The following EVI5 variants were observed in gnomAD, a reference collection of about 807,000 sequenced individuals.
The protein encoded by EVI5 is ecotropic viral integration site 5.
Under a neutral mutation model 112.0 loss-of-function variants are expected in EVI5, and 73 were observed. The ratio of observed to expected loss-of-function variants is 0.65; its 90% confidence interval spans 0.54 to 0.79. The LOEUF (loss-of-function observed/expected upper bound fraction) is 0.79, where lower values mean the gene tolerates loss of function less well. Ranked by LOEUF, EVI5 falls within the 30% of genes least tolerant of loss-of-function variation. The pLI is 0.00. For synonymous variants in EVI5, 305 were observed against 319.9 expected (o/e 0.95, Z 0.50); for missense variants, 900 against 968.8 (o/e 0.93, Z 0.94).
At chr1:92,618,480 C>A (rs576995947) in intron 16 of EVI5, among the ~76,000 whole-genome samples, 26 of 152,302 alleles carry the variant, frequency 1.7e-4, no homozygotes, top group Non-Finnish European at 3.2e-4. Context: ...TGAAATCAGT[C>A]TGCTAATCCA....
intron 9 of EVI5, among the ~76,000 whole-genome samples, chr1:92,681,307 C>T (rs1352425999): frequency 6.6e-6 from 1 of 152,072 alleles, no homozygotes; most frequent in Non-Finnish European, 1.5e-5. Context: ...AATGGACCTC[C>T]CCCAAAATGG....
intron 10 of EVI5, among the ~76,000 whole-genome samples, chr1:92,668,423 A>T (rs972160273): frequency 6.6e-6 from 1 of 152,206 alleles, no homozygotes; most frequent in East Asian, 1.9e-4. Context: ...GGGATTCTCA[A>T]AATGTTCTCA....
chr1:92,647,538 GACAGAGAC>G (rs1661206849), intron 13 of EVI5: 4 of 528,244 alleles, frequency 7.6e-6, no homozygotes, highest in Non-Finnish European at 1.4e-5. Context: ...CTGCAAAATT[GACAGAGAC>G]CTCTGGGTTT....
chr1:92,665,920 T>G lies in EVI5; in HGVS notation c.1212+19A>C, dbSNP rs1184113989. ...ACCAGGCATTCAACAGAAGCTTGCA[T>G]AAGTAGTCACTTACTTACTTTTTCT... is the stretch of plus-strand genomic sequence containing the variant. On this transcript the variant is annotated intron_variant, in intron 11 of 19. Transcript: ENST00000684568. 9 of 1,554,024 alleles carry G rather than the reference T, an allele frequency of 5.8e-6. No homozygotes were observed. Among genetic ancestry groups the G allele is most frequent in the Non-Finnish European group, 7.9e-6 (9 of 1,138,796 alleles).
chr1:92,661,263 T>C (rs1320380163), intron 13 of EVI5, among the ~76,000 whole-genome samples: 1 of 152,126 alleles, frequency 6.6e-6, no homozygotes, highest in Non-Finnish European at 1.5e-5. Context: ...ATTGGAAGGC[T>C]ATAATTAAAA....
At chr1:92,547,040 T>C (rs1313213598) in intron 19 of EVI5, among the ~76,000 whole-genome samples, 3 of 152,210 alleles carry the variant, frequency 2.0e-5, no homozygotes, top group Admixed American at 6.5e-5. Context: ...ATCAACAGAA[T>C]ATACATTCTT....
intron 2 of EVI5, among the ~76,000 whole-genome samples, chr1:92,731,404 A>T (rs6661600): frequency 6.6e-6 from 1 of 152,118 alleles, no homozygotes; most frequent in Non-Finnish European, 1.5e-5. Context: ...CAGCAATGAA[A>T]AATTAAAAAT....
At chr1:92,699,963 G>A (rs1423046776) in intron 5 of EVI5, among the ~76,000 whole-genome samples, 2 of 152,052 alleles carry the variant, frequency 1.3e-5, no homozygotes, top group African/African-American at 2.4e-5. Flanking sequence ...AACTAGAGGA[G>A]AATTTTTTTT....
intron 10 of EVI5, among the ~76,000 whole-genome samples, chr1:92,676,419 G>A (rs1666755617): frequency 6.6e-6 from 1 of 151,372 alleles, no homozygotes; most frequent in East Asian, 1.9e-4. Flanking sequence ...GTTGGGGGTA[G>A]GGGGTGGAGG....
chr1:92,522,892 G>C (rs1274366599), intron 19 of EVI5, among the ~76,000 whole-genome samples: 4 of 151,436 alleles, frequency 2.6e-5, no homozygotes, highest in Non-Finnish European at 4.4e-5. Flanking sequence ...TGAGTAGCTA[G>C]GAATACAGGA....
At chr1:92,787,469 C>T (rs1432573367), upstream of EVI5, among the ~76,000 whole-genome samples, 3 of 152,104 alleles carry the variant, frequency 2.0e-5, no homozygotes, top group African/African-American at 2.4e-5. Flanking sequence ...CGGTGGCTCA[C>T]GCCTATAATC....
chr1:92,753,737 G>C (rs983803991), intron 1 of EVI5, among the ~76,000 whole-genome samples: 1 of 151,880 alleles, frequency 6.6e-6, no homozygotes, highest in Non-Finnish European at 1.5e-5. Flanking sequence ...ACCTAATTTT[G>C]GAATCTAATT....
rs978312742 is a variant in EVI5 at position 92,688,539 on chromosome 1, G to C, written c.1097+5263C>G. On this transcript the variant is annotated intron_variant, in intron 9 of 19. Transcript: ENST00000684568. ...AGTAAGGTACCATAGTAAGATCTAG[G>C]TTGGGTGACAGGTTTTCCTTCCTTC... Among the ~76,000 whole-genome samples, 9 of 152,194 alleles carry C rather than the reference G, an allele frequency of 5.9e-5. 1 individual carries two copies. The highest frequency in any genetic ancestry group is 3.9e-4 in the Admixed American group (6 of 15,296).
chr1:92,747,462 C>T (rs1012655308), intron 1 of EVI5, among the ~76,000 whole-genome samples: 2 of 151,902 alleles, frequency 1.3e-5, no homozygotes, highest in Non-Finnish European at 2.9e-5. Context: ...GCCTGTAATC[C>T]CAGCACTGTG....
At chr1:92,772,441 C>A (rs997693472) in intron 1 of EVI5, among the ~76,000 whole-genome samples, 4 of 150,814 alleles carry the variant, frequency 2.7e-5, no homozygotes, top group Non-Finnish European at 4.4e-5. Context: ...CTAAAAATAC[C>A]AAAAATTAGC....
At chr1:92,641,238 C>A (rs779851305) in intron 13 of EVI5, among the ~76,000 whole-genome samples, 4 of 152,118 alleles carry the variant, frequency 2.6e-5, no homozygotes, top group Admixed American at 6.6e-5. Flanking sequence ...ATGTTTATCT[C>A]TATATATACT....
At chr1:92,623,319 T>C (rs1355875898) in intron 16 of EVI5, among the ~76,000 whole-genome samples, 2 of 152,210 alleles carry the variant, frequency 1.3e-5, no homozygotes, top group African/African-American at 2.4e-5. Context: ...TACATATTCA[T>C]GTTACCATGT....
chr1:92,568,906 A>G (rs888556624), intron 18 of EVI5, among the ~76,000 whole-genome samples: 1 of 152,236 alleles, frequency 6.6e-6, no homozygotes, highest in African/African-American at 2.4e-5. Flanking sequence ...TATGTTATCA[A>G]TAAGGCTTCT....
intron 18 of EVI5, among the ~76,000 whole-genome samples, 189 bp from the exon 19 acceptor site, chr1:92,563,926 T>TTA: frequency 6.6e-6 from 1 of 152,298 alleles, no homozygotes; most frequent in South Asian, 2.1e-4. Context: ...TTAATTAATT[T>TTA]ATTTATTTAG....
Sources: gnomAD v4.1 joint callset for allele counts (sites outside exome capture counted in the v4.1 genomes callset) on GRCh38, gnomAD v4.1.1 for gene constraint, MANE v1.5 for transcripts, NCBI Gene and HGNC (gene_info 2026-07-23, HGNC 2026-07-21) for gene names.